AGPS: variants seen among roughly 807,000 people sequenced by gnomAD.
The protein encoded by AGPS is alkylglycerone phosphate synthase.
AGPS carries 26 observed loss-of-function variants against 90.7 expected under a neutral mutation model. That is an observed-to-expected ratio of 0.29 (90% CI 0.21 to 0.40). The LOEUF (loss-of-function observed/expected upper bound fraction) is 0.40, where lower values mean the gene tolerates loss of function less well. Among genes scored for constraint, AGPS ranks in the 10% least tolerant of loss-of-function variants. The pLI, the probability that AGPS is intolerant of heterozygous loss-of-function variation, is 1.00. For synonymous variants in AGPS, 294 were observed against 285.3 expected, an observed-to-expected ratio of 1.03 and a Z score of -0.31; for missense variants, 540 against 816.1, an observed-to-expected ratio of 0.66 and a Z score of 4.12.
intron 1 of AGPS, among the ~76,000 whole-genome samples, chr2:177,398,073 C>T (rs1055195544): frequency 6.6e-6 from 1 of 152,064 alleles, no homozygotes; most frequent in Non-Finnish European, 1.5e-5. Context: ...TAACATCTGC[C>T]GGAAGCTTTG....
chr2:177,413,133 T>C (rs1221657471), intron 1 of AGPS, among the ~76,000 whole-genome samples: 1 of 152,038 alleles, frequency 6.6e-6, no homozygotes, highest in Non-Finnish European at 1.5e-5. Flanking sequence ...TCCCATACAA[T>C]GGGAGGGAAC....
chr2:177,400,062 A>G (rs540276876), intron 1 of AGPS, among the ~76,000 whole-genome samples: 3 of 152,360 alleles, frequency 2.0e-5, no homozygotes, highest in African/African-American at 7.2e-5. Context: ...TATAAAGTGC[A>G]TATCAAACTA....
chr2:177,539,533 A>G lies in AGPS; in HGVS notation c.*1338A>G, dbSNP rs1336406281. 1 of 152,008 alleles carries G rather than the reference A, an allele frequency of 6.6e-6. No homozygotes were observed. Among genetic ancestry groups the G allele is most frequent in the East Asian group, 1.9e-4 (1 of 5,188 alleles). 9.4% of individuals were successfully genotyped at this position (152,008 alleles called of 1,614,324 possible). On this transcript the variant is annotated 3_prime_UTR_variant, in exon 20 of 20. Transcript: ENST00000264167. The stretch of plus-strand genomic sequence containing the variant: ...GATAATTTTTTAAAACTAATATTTG[A>G]TCAGATAATGTAAGTCAAAATGCAG...
chr2:177,414,848 C>T (rs1685738075), intron 1 of AGPS, among the ~76,000 whole-genome samples: 1 of 151,012 alleles, frequency 6.6e-6, no homozygotes, highest in East Asian at 2.0e-4. Flanking sequence ...TTTCCTCCAT[C>T]TCTGATTACT....
chr2:177,510,975 A>G (rs1033529385), intron 16 of AGPS, among the ~76,000 whole-genome samples: 3 of 152,194 alleles, frequency 2.0e-5, no homozygotes, highest in Non-Finnish European at 2.9e-5. Context: ...CCCTACCACA[A>G]TGGCTGCACC....
intron 8 of AGPS, among the ~76,000 whole-genome samples, chr2:177,448,871 C>T (rs937035553): frequency 6.6e-6 from 1 of 152,166 alleles, no homozygotes; most frequent in African/African-American, 2.4e-5. Flanking sequence ...CCAGGAATCA[C>T]TGATTTGCTT....
Position 177,486,015 on chromosome 2 carries a change from C to T in AGPS, c.1233+3829C>T, listed in dbSNP as rs141544753. Among the ~76,000 whole-genome samples the T allele has an allele frequency of 6.9e-3, 1,044 of 152,218 alleles. 9 individuals carry two copies. The highest frequency in any genetic ancestry group is 0.022 in the African/African-American group (894 of 41,542). The stretch of plus-strand genomic sequence containing the variant: ...CTACCATGTGGTTAAAAAAGCAGGT[C>T]GTAAAGAAAGGTCCTTTCTAGTCTA... On this transcript the variant is annotated intron_variant, in intron 11 of 19. Coordinates refer to ENST00000264167, the MANE Select transcript of AGPS (RefSeq NM_003659.4).
intron 12 of AGPS, 94 bp from the exon 13 acceptor site, chr2:177,497,593 CTT>C (rs1182862116): frequency 1.8e-6 from 1 of 563,344 alleles, no homozygotes; most frequent in African/African-American, 2.0e-5. Flanking sequence ...GTTGTGAAAA[CTT>C]TTACTTTCTT....
At chr2:177,445,512 C>G in intron 7 of AGPS, 34 bp from the exon 8 acceptor site, 1 of 1,529,246 alleles carries the variant, frequency 6.5e-7, no homozygotes, top group Non-Finnish European at 9.1e-7. Context: ...TTAGTAGTTC[C>G]TGGAGATCAG....
intron 7 of AGPS, 82 bp downstream of exon 7, chr2:177,442,568 T>A: frequency 8.9e-7 from 1 of 1,128,774 alleles, no homozygotes; most frequent in Non-Finnish European, 1.3e-6. Context: ...ATCTAGCCAC[T>A]GGGCGCTGTG....
chr2:177,515,425 C>T (rs1688994538), intron 17 of AGPS, among the ~76,000 whole-genome samples: 1 of 151,878 alleles, frequency 6.6e-6, no homozygotes, highest in African/African-American at 2.4e-5. Context: ...ATTTTTATTC[C>T]TTTGTTTTTT....
At chr2:177,393,408 C>T (rs1685081426) in intron 1 of AGPS, 2 of 985,228 alleles carry the variant, frequency 2.0e-6, no homozygotes, top group African/African-American at 1.7e-5. Context: ...AGCAGAGGTT[C>T]TATTTTTCTC....
At position 177,409,798 on chromosome 2, in the gene AGPS, A is replaced by G. The variant is rs565928511; in HGVS notation, c.261-10471A>G. ...AGGGGCTCCATTTGAAGAACCATTT[A>G]TACTTCTACACCTTCTATTCTGGAA... On this transcript the variant is annotated intron_variant, in intron 1 of 19. Coordinates refer to ENST00000264167, the MANE Select transcript of AGPS (RefSeq NM_003659.4). Among the ~76,000 whole-genome samples, 380 of 152,276 alleles carry G rather than the reference A, an allele frequency of 2.5e-3. 4 individuals carry two copies. The highest frequency in any genetic ancestry group is 8.7e-3 in the African/African-American group (362 of 41,562).
At position 177,436,866 on chromosome 2, in the gene AGPS, C is replaced by T. The variant is rs1686426425; in HGVS notation, c.544C>T (p.Arg182Ter). 6.2e-7 allele frequency: 1 copy of T among 1,612,602 alleles called. No individual in the cohort carries two copies. Among genetic ancestry groups the T allele is most frequent in the Non-Finnish European group, 8.5e-7 (1 of 1,179,020 alleles). Residue 182 changes from arginine (R) to a stop codon, truncating the protein, a stop_gained, in exon 4 of 20, where the codon CGA (arginine) becomes TGA (stop). Coordinates refer to ENST00000264167, the MANE Select transcript of AGPS (RefSeq NM_003659.4). LOFTEE classifies it high-confidence loss of function. Reference sequence around the variant, plus strand: ...TTCATATTCACAAGAGGCAGATGATCGAGTATTTAGAGCTCATGGTAAGTT... The same window carrying T: ...TTCATATTCACAAGAGGCAGATGATTGAGTATTTAGAGCTCATGGTAAGTT... ...NISYSQEADD[R>*]VFRAHGHCLH...
intron 1 of AGPS, among the ~76,000 whole-genome samples, chr2:177,400,927 T>A (rs907610200): frequency 6.6e-6 from 1 of 152,234 alleles, no homozygotes; most frequent in South Asian, 2.1e-4. Context: ...ACTAACTGTA[T>A]AGGAATCCAG....
chr2:177,537,783 T>A (rs924846683), intron 19 of AGPS, among the ~76,000 whole-genome samples: 10 of 152,134 alleles, frequency 6.6e-5, no homozygotes, highest in Admixed American at 5.2e-4. Context: ...CACGTTTTTC[T>A]CATTTTGTTA....
At chr2:177,445,409 C>T in intron 7 of AGPS, 137 bp from the exon 8 acceptor site, 1 of 718,248 alleles carries the variant, frequency 1.4e-6, no homozygotes, top group Non-Finnish European at 2.5e-6. Context: ...GACTTGGTTT[C>T]CAGTGTGGGT....
At chr2:177,399,426 T>C (rs1245004429) in intron 1 of AGPS, among the ~76,000 whole-genome samples, 6 of 152,184 alleles carry the variant, frequency 3.9e-5, no homozygotes, top group Admixed American at 3.9e-4. Context: ...TGTCATATCC[T>C]TGTCCCAACA....
chr2:177,394,171 G>A (rs912020095), intron 1 of AGPS, among the ~76,000 whole-genome samples: 4 of 152,120 alleles, frequency 2.6e-5, no homozygotes, highest in Non-Finnish European at 5.9e-5. Flanking sequence ...AATACACACT[G>A]TACCAGCAAT....
Sources: allele counts gnomAD v4.1 joint callset (sites outside exome capture counted in the v4.1 genomes callset), GRCh38; gene constraint gnomAD v4.1.1; transcripts MANE v1.5; gene names NCBI Gene and HGNC (gene_info 2026-07-23, HGNC 2026-07-21).